The following PCP4 variants were observed in gnomAD, a reference collection of about 807,000 sequenced individuals.
PCP4 encodes calmodulin regulator protein PCP4.
A neutral mutation model predicts 10.0 loss-of-function variants in PCP4; 8 were observed. The observed-to-expected ratio is 0.80, with a 90% CI of 0.47 to 1.45. The LOEUF (loss-of-function observed/expected upper bound fraction) is 1.45. PCP4 is among the 40% of genes most tolerant of loss of function. The pLI, the probability that PCP4 is intolerant of heterozygous loss-of-function variation, is 0.00. For missense variants in PCP4, 54 were observed against 74.4 expected, an observed-to-expected ratio of 0.73 and a Z score of 1.01; for synonymous variants, 21 against 23.0, an observed-to-expected ratio of 0.91 and a Z score of 0.24.
At chr21:39,873,562 C>T (rs1172561005) in intron 1 of PCP4, among the ~76,000 whole-genome samples, 2 of 152,068 alleles carry the variant, frequency 1.3e-5, no homozygotes, top group African/African-American at 4.8e-5. Context: ...TCCATATCCC[C>T]ATGTGATTAA....
intron 1 of PCP4, among the ~76,000 whole-genome samples, chr21:39,878,877 C>T (rs2087358574): frequency 6.6e-6 from 1 of 152,074 alleles, no homozygotes; most frequent in South Asian, 2.1e-4. Flanking sequence ...TAAGTCTTGT[C>T]AAAATATCTA....
At chr21:39,903,096 A>C (rs1246101807) in intron 2 of PCP4, among the ~76,000 whole-genome samples, 2 of 152,204 alleles carry the variant, frequency 1.3e-5, no homozygotes, top group African/African-American at 2.4e-5. Flanking sequence ...CCAAGAGTTA[A>C]ATTTTTTTAT....
chr21:39,928,842 A>G, intron 2 of PCP4, 142 bp from the exon 3 acceptor site: 1 of 696,014 alleles, frequency 1.4e-6, no homozygotes, highest in Non-Finnish European at 2.4e-6. Flanking sequence ...TACTTTGCAG[A>G]TGAGCTCTTG....
intron 2 of PCP4, among the ~76,000 whole-genome samples, chr21:39,924,960 A>AGGCCCT (rs1202451452): frequency 6.6e-6 from 1 of 152,210 alleles, no homozygotes; most frequent in African/African-American, 2.4e-5. Context: ...CTGGGGCCAC[A>AGGCCCT]GGCCCTGGCC....
intron 2 of PCP4, among the ~76,000 whole-genome samples, chr21:39,901,523 G>A (rs905184447): frequency 1.3e-5 from 2 of 152,194 alleles, no homozygotes; most frequent in Non-Finnish European, 2.9e-5. Context: ...GCTACTATAA[G>A]TGATGCCATT....
intron 2 of PCP4, among the ~76,000 whole-genome samples, chr21:39,912,328 A>T (rs1379807614): frequency 8.3e-5 from 5 of 60,066 alleles, no homozygotes; most frequent in African/African-American, 2.4e-4. Flanking sequence ...TTTTTTTTTT[A>T]AAGTATTTCC....
chr21:39,924,211 G>A (rs1456699979), intron 2 of PCP4, among the ~76,000 whole-genome samples: 3 of 152,128 alleles, frequency 2.0e-5, no homozygotes, highest in African/African-American at 7.2e-5. Flanking sequence ...TGCAGCTCTG[G>A]CCACGCCATG....
chr21:39,917,103 A>G (rs1033223671), intron 2 of PCP4, among the ~76,000 whole-genome samples: 4 of 151,720 alleles, frequency 2.6e-5, no homozygotes, highest in African/African-American at 9.7e-5. Context: ...AAAATTAAAG[A>G]AAAAAAAATT....
At chr21:39,890,692 A>G (rs2087426031) in intron 1 of PCP4, among the ~76,000 whole-genome samples, 2 of 152,106 alleles carry the variant, frequency 1.3e-5, no homozygotes, top group South Asian at 2.1e-4. Flanking sequence ...TTTGTTCATC[A>G]TGACTTTTTG....
At chr21:39,896,872 C>A (rs2087459175) in intron 1 of PCP4, among the ~76,000 whole-genome samples, 1 of 152,148 alleles carries the variant, frequency 6.6e-6, no homozygotes, top group Admixed American at 6.5e-5. Context: ...GACCTGGACC[C>A]AAATATGAAT....
At chr21:39,896,629 G>T (rs2087458028) in intron 1 of PCP4, among the ~76,000 whole-genome samples, 1 of 152,102 alleles carries the variant, frequency 6.6e-6, no homozygotes, top group South Asian at 2.1e-4. Context: ...TCTTTATTGG[G>T]TTATTGTCTG....
chr21:39,913,463 C>T (rs1291320813), intron 2 of PCP4, among the ~76,000 whole-genome samples: 2 of 152,210 alleles, frequency 1.3e-5, no homozygotes, highest in Non-Finnish European at 2.9e-5. Flanking sequence ...CCTCTCTGTC[C>T]TTATGACAAC....
chr21:39,902,046 A>C (rs2087484499), intron 2 of PCP4, among the ~76,000 whole-genome samples: 1 of 152,224 alleles, frequency 6.6e-6, no homozygotes, highest in African/African-American at 2.4e-5. Flanking sequence ...ATTACATTCC[A>C]TTGAAATTCA....
intron 1 of PCP4, among the ~76,000 whole-genome samples, chr21:39,886,535 G>A (rs1221382889): frequency 1.3e-5 from 2 of 152,172 alleles, no homozygotes; most frequent in Non-Finnish European, 2.9e-5. Flanking sequence ...AACCTGGGAG[G>A]TGGAGGTTGC....
intron 2 of PCP4, among the ~76,000 whole-genome samples, chr21:39,913,272 A>G (rs1408965648): frequency 6.6e-6 from 1 of 152,160 alleles, no homozygotes; most frequent in African/African-American, 2.4e-5. Flanking sequence ...TAGAAGTGCT[A>G]TGTCTTTGCT....
chr21:39,909,562 T>A (rs1358113210), intron 2 of PCP4, among the ~76,000 whole-genome samples: 1 of 152,156 alleles, frequency 6.6e-6, no homozygotes, highest in Non-Finnish European at 1.5e-5. Context: ...TTTTTCCTCT[T>A]GGGATGTGGA....
intron 2 of PCP4, among the ~76,000 whole-genome samples, chr21:39,924,084 T>G (rs2087609716): frequency 6.6e-6 from 1 of 152,148 alleles, no homozygotes; most frequent in Non-Finnish European, 1.5e-5. Flanking sequence ...TGATGGAAAG[T>G]GCCCCCTTCC....
intron 1 of PCP4, among the ~76,000 whole-genome samples, chr21:39,872,734 T>A (rs1659303896): frequency 6.6e-6 from 1 of 152,160 alleles, no homozygotes; most frequent in African/African-American, 2.4e-5. Flanking sequence ...AATGAATAAA[T>A]AAGTTTTGGG....
intron 2 of PCP4, among the ~76,000 whole-genome samples, chr21:39,913,758 C>T (rs1015694025): frequency 1.3e-5 from 2 of 152,282 alleles, no homozygotes; most frequent in African/African-American, 4.8e-5. Context: ...CACAGACCCC[C>T]TTTGGAGTTG....
Sources: gnomAD v4.1 joint callset for allele counts (sites outside exome capture counted in the v4.1 genomes callset) on GRCh38, gnomAD v4.1.1 for gene constraint, MANE v1.5 for transcripts, NCBI Gene and HGNC (gene_info 2026-07-23, HGNC 2026-07-21) for gene names.